The following SERPINB2 variants were observed in gnomAD, a reference collection of about 807,000 sequenced individuals.
SERPINB2 encodes serpin family B member 2.
SERPINB2 carries 28 observed loss-of-function variants against 39.4 expected under a neutral mutation model. That is an observed-to-expected ratio of 0.71 (90% CI 0.53 to 0.97). The LOEUF (loss-of-function observed/expected upper bound fraction) is 0.97. Among genes scored for constraint, SERPINB2 ranks in the 50% least tolerant of loss-of-function variants. The pLI is 0.00. For synonymous variants in SERPINB2, 209 were observed against 175.1 expected, an observed-to-expected ratio of 1.19 and a Z score of -1.53; for missense variants, 557 against 505.3, an observed-to-expected ratio of 1.10 and a Z score of -0.98.
At position 63,903,505 on chromosome 18, in the gene SERPINB2, G is replaced by C. The variant is rs539481704; in HGVS notation, c.*200G>C. 14 of 407,998 alleles carry C rather than the reference G, an allele frequency of 3.4e-5. No homozygotes were observed. The highest frequency in any genetic ancestry group is 5.3e-5 in the Non-Finnish European group (13 of 244,694). 25.3% of individuals were successfully genotyped at this position (407,998 alleles called of 1,614,324 possible). ...ACATGACAACCCTATTAATCATTTG[G>C]TCTTCTAAAATGGGATCATGCCCAT... is the stretch of plus-strand genomic sequence containing the variant. On this transcript the variant is annotated 3_prime_UTR_variant, in exon 8 of 8. Transcript: ENST00000299502.
At chr18:63,893,240 T>C (rs1401927267) in intron 2 of SERPINB2, among the ~76,000 whole-genome samples, 1 of 152,174 alleles carries the variant, frequency 6.6e-6, no homozygotes, top group African/African-American at 2.4e-5. Flanking sequence ...GGTTTTTTTG[T>C]TTTTTAAATG....
intron 1 of SERPINB2, among the ~76,000 whole-genome samples, chr18:63,891,087 T>A (rs998229088): frequency 6.6e-6 from 1 of 152,196 alleles, no homozygotes; most frequent in Non-Finnish European, 1.5e-5. Context: ...TTCTATGGAA[T>A]GCCACAAAGT....
At chr18:63,896,213 A>AT (rs1270022100) in intron 3 of SERPINB2, among the ~76,000 whole-genome samples, 4 of 152,284 alleles carry the variant, frequency 2.6e-5, no homozygotes, top group African/African-American at 7.2e-5. Flanking sequence ...TCATGTGGAG[A>AT]TTCCGCCAGG....
At position 63,902,976 on chromosome 18, in the gene SERPINB2, G is replaced by A. The variant is rs1238644758; in HGVS notation, c.919G>A (p.Val307Ile). 6.2e-7 allele frequency: 1 copy of A among 1,613,682 alleles called. No homozygotes were observed. Among genetic ancestry groups the A allele is most frequent in the South Asian group, 1.1e-5 (1 of 91,064 alleles). The change falls in exon 8 of 8, where the codon GTA (valine) becomes ATA (isoleucine). Residue 307 changes from valine to isoleucine, a missense_variant. Physicochemically the swap from Val to Ile is conservative, Grantham distance 29 (BLOSUM62 3). Coordinates refer to ENST00000299502, the MANE Select transcript of SERPINB2 (RefSeq NM_002575.3). Reference sequence around the variant, plus strand: ...CAAAATGGCTGAAGATGAAGTTGAGGTATACATACCCCAGTTCAAATTAGA... The same window carrying A: ...CAAAATGGCTGAAGATGAAGTTGAGATATACATACCCCAGTTCAAATTAGA... ...KDKMAEDEVE[V>I]YIPQFKLEEH...
At chr18:63,902,032 G>A (rs1232881470) in intron 6 of SERPINB2, 150 bp downstream of exon 6, 2 of 771,040 alleles carry the variant, frequency 2.6e-6, no homozygotes, top group East Asian at 5.8e-5. Flanking sequence ...AACAGTATAG[G>A]TAAAGGGGAA....
In SERPINB2 at chr18:63,891,503, C is replaced by G; in HGVS notation, c.59C>G (p.Ala20Gly). The G allele has an allele frequency of 6.2e-7, 1 of 1,614,122 alleles. No individual in the cohort carries two copies. Residue 20 changes from alanine (A) to glycine (G), a missense_variant, in exon 2 of 8, where the codon GCA becomes GGA. By Grantham distance (60) the Ala-to-Gly change is moderately conservative. Coordinates refer to ENST00000299502, the MANE Select transcript of SERPINB2 (RefSeq NM_002575.3). ...GCCCTCAATTTATTCAAGCATCTGG[C>G]AAAAGCAAGCCCCACCCAGAACCTC... ...LFALNLFKHL[A>G]KASPTQNLFL...
At chr18:63,896,438 G>A (rs2049959885) in intron 3 of SERPINB2, among the ~76,000 whole-genome samples, 1 of 151,168 alleles carries the variant, frequency 6.6e-6, no homozygotes, top group Non-Finnish European at 1.5e-5. Flanking sequence ...TATGAACTTT[G>A]TAAGATCATT....
chr18:63,890,809 G>A (rs2049920979), intron 1 of SERPINB2: 1 of 152,384 alleles, frequency 6.6e-6, no homozygotes, highest in African/African-American at 2.4e-5. Context: ...ATAGGGGCTG[G>A]GTGAAACTCC....
In SERPINB2 at chr18:63,895,339, A is replaced by T. The variant is rs377037100; in HGVS notation, c.244A>T (p.Met82Leu). The part of the protein sequence containing the change: ...TPENFTSCGF[M>L]QQIQKGSYPD... The stretch of plus-strand genomic sequence containing the variant: ...AGAGAACTTTACCAGCTGTGGGTTC[A>T]TGCAGCAGATCCAGAAGGGTAGTTA... Residue 82 changes from methionine to leucine, a missense_variant, in exon 3 of 8, where the codon ATG becomes TTG. Physicochemically the swap from Met to Leu is conservative, Grantham distance 15. Coordinates refer to ENST00000299502, the MANE Select transcript of SERPINB2 (RefSeq NM_002575.3). 8.4e-5 allele frequency: 135 copies of T among 1,614,186 alleles called. No individual in the cohort carries two copies. Among genetic ancestry groups the T allele is most frequent in the Middle Eastern group, 5.0e-4 (3 of 6,060 alleles).
At chr18:63,900,883 T>A (rs768870091) in intron 5 of SERPINB2, among the ~76,000 whole-genome samples, 10 of 152,188 alleles carry the variant, frequency 6.6e-5, no homozygotes, top group Non-Finnish European at 1.5e-4. Flanking sequence ...GCAGAATTTT[T>A]ACAAGCTTAC....
chr18:63,901,099 ATCT>A (rs1456358084), intron 5 of SERPINB2, among the ~76,000 whole-genome samples: 1 of 152,046 alleles, frequency 6.6e-6, no homozygotes, highest in East Asian at 1.9e-4. Flanking sequence ...GTTTCTGTCA[ATCT>A]TCTCGGGCTT....
intron 3 of SERPINB2, among the ~76,000 whole-genome samples, chr18:63,896,764 A>G (rs191849355): frequency 6.6e-6 from 1 of 152,340 alleles, no homozygotes; most frequent in African/African-American, 2.4e-5. Context: ...GAACTTATCC[A>G]TCTTATAAAT....
intron 5 of SERPINB2, among the ~76,000 whole-genome samples, chr18:63,901,251 C>T (rs1206304784): frequency 6.6e-6 from 1 of 152,076 alleles, no homozygotes; most frequent in Non-Finnish European, 1.5e-5. Flanking sequence ...ATAATTCTTC[C>T]TTTCTCATCT....
At chr18:63,892,454 G>C (rs1045399802) in intron 2 of SERPINB2, among the ~76,000 whole-genome samples, 1 of 152,210 alleles carries the variant, frequency 6.6e-6, no homozygotes, top group African/African-American at 2.4e-5. Context: ...TTGTGATCAT[G>C]TTACTTCCAA....
chr18:63,891,725 C>T, intron 2 of SERPINB2, 113 bp downstream of exon 2: 1 of 1,055,440 alleles, frequency 9.5e-7, no homozygotes, highest in Non-Finnish European at 1.3e-6. Context: ...GCAATCATCA[C>T]AGGTAATGAA....
intron 1 of SERPINB2, among the ~76,000 whole-genome samples, chr18:63,887,973 T>C (rs2049903506): frequency 6.6e-6 from 1 of 152,228 alleles, no homozygotes; most frequent in Non-Finnish European, 1.5e-5. Flanking sequence ...AGGTTTAATT[T>C]TGAATCTCAG....
chr18:63,898,059 T>C (rs1336239518), intron 5 of SERPINB2, among the ~76,000 whole-genome samples: 10 of 152,222 alleles, frequency 6.6e-5, no homozygotes, highest in Admixed American at 6.5e-4. Context: ...GTTTAGTACT[T>C]AAATATTTGA....
At position 63,902,585 on chromosome 18, in the gene SERPINB2, T is replaced by C; in HGVS notation, c.843+17T>C. ...TTGGAGCTGGTAAGACATTCAGATA[T>C]TTAAGTTTCTGGGGCTATACCTACC... On this transcript the variant is annotated intron_variant, in intron 7 of 7. Coordinates refer to ENST00000299502, the MANE Select transcript of SERPINB2 (RefSeq NM_002575.3). 1 of 1,599,878 alleles carries C rather than the reference T, an allele frequency of 6.3e-7. No homozygotes were observed. Among genetic ancestry groups the C allele is most frequent in the Non-Finnish European group, 8.5e-7 (1 of 1,172,174 alleles).
rs978142936 is a variant in SERPINB2, at chr18:63,903,677, T to C, written c.*372T>C. The C allele has an allele frequency of 6.4e-6, 1 of 155,374 alleles. No homozygotes were observed. The highest frequency in any genetic ancestry group is 6.5e-5 in the Admixed American group (1 of 15,356). The allele number at this position is 155,374 out of a possible 1,614,324, so 9.6% of individuals were successfully genotyped here. A position where few individuals can be genotyped will look rare whatever the true frequency, so the allele number is the denominator to read the frequency against. ...GTTATAGAAGCAGATGATCTGTTAATTTCCTATCTAATAAATGCCTTTAAT... is the reference window on the plus strand; with the variant it reads ...GTTATAGAAGCAGATGATCTGTTAACTTCCTATCTAATAAATGCCTTTAAT... On this transcript the variant is annotated 3_prime_UTR_variant, in exon 8 of 8. Transcript: ENST00000299502.
Sources: gnomAD v4.1 joint callset for allele counts (sites outside exome capture counted in the v4.1 genomes callset) on GRCh38, gnomAD v4.1.1 for gene constraint, MANE v1.5 for transcripts, NCBI Gene and HGNC (gene_info 2026-07-23, HGNC 2026-07-21) for gene names.